The following MDGA2 variants were observed in gnomAD, a reference collection of about 807,000 sequenced individuals.
MDGA2 encodes MAM domain containing glycosylphosphatidylinositol anchor 2.
Under a neutral mutation model 117.8 loss-of-function variants are expected in MDGA2, and 40 were observed. The ratio of observed to expected loss-of-function variants is 0.34; its 90% CI spans 0.26 to 0.44. The LOEUF (loss-of-function observed/expected upper bound fraction) is 0.44. MDGA2 is among the 20% of genes least tolerant of loss of function. The pLI, the probability that MDGA2 is intolerant of heterozygous loss-of-function variation, is 1.00. For synonymous variants in MDGA2, 452 were observed against 439.0 expected, an observed-to-expected ratio of 1.03 and a Z score of -0.37; for missense variants, 1,123 against 1,250.6, an observed-to-expected ratio of 0.90 and a Z score of 1.54.
At chr14:47,177,776 T>G (rs1884534865) in intron 3 of MDGA2, among the ~76,000 whole-genome samples, 2 of 152,086 alleles carry the variant, frequency 1.3e-5, no homozygotes, top group East Asian at 3.8e-4. Context: ...ATTGTGCACA[T>G]GTACCCTAAA....
intron 2 of MDGA2, among the ~76,000 whole-genome samples, chr14:47,243,730 G>A (rs535058442): frequency 6.6e-6 from 1 of 151,830 alleles, no homozygotes; most frequent in South Asian, 2.1e-4. Flanking sequence ...CACCTTAAGA[G>A]CTGTAACGCT....
chr14:47,406,616 T>C (rs1216633956), intron 1 of MDGA2, among the ~76,000 whole-genome samples: 1 of 152,022 alleles, frequency 6.6e-6, no homozygotes, highest in Non-Finnish European at 1.5e-5. Flanking sequence ...ACATGAAATA[T>C]TTAAAGTAGT....
intron 1 of MDGA2, among the ~76,000 whole-genome samples, chr14:47,637,226 T>A (rs1255357485): frequency 6.6e-6 from 1 of 152,154 alleles, no homozygotes; most frequent in East Asian, 1.9e-4. Flanking sequence ...ATCACCCAGT[T>A]GGCTAGGGGT....
intron 2 of MDGA2, among the ~76,000 whole-genome samples, chr14:47,250,750 T>C (rs984494982): frequency 1.3e-5 from 2 of 152,182 alleles, no homozygotes; most frequent in Non-Finnish European, 2.9e-5. Context: ...ACAAAGAAAG[T>C]TTTCCACACA....
intron 2 of MDGA2, among the ~76,000 whole-genome samples, chr14:47,292,587 C>T (rs188027046): frequency 1.3e-5 from 2 of 152,250 alleles, no homozygotes; most frequent in Non-Finnish European, 2.9e-5. Flanking sequence ...GTGTAAGCTG[C>T]TATGTAAAAT....
intron 3 of MDGA2, among the ~76,000 whole-genome samples, chr14:47,181,084 T>G (rs866681259): frequency 1.5e-4 from 23 of 152,316 alleles, no homozygotes; most frequent in Admixed American, 3.3e-4. Context: ...TTTAAAATAT[T>G]TATTTTACTT....
chr14:47,569,448 T>C (rs1355572808), intron 1 of MDGA2, among the ~76,000 whole-genome samples: 2 of 152,170 alleles, frequency 1.3e-5, no homozygotes, highest in African/African-American at 2.4e-5. Context: ...CATTTCGTGA[T>C]TGGGGAACAG....
chr14:47,200,999 C>T (rs1403369700), intron 3 of MDGA2: 4 of 856,922 alleles, frequency 4.7e-6, no homozygotes, highest in African/African-American at 1.7e-5. Flanking sequence ...TCGCAGCATA[C>T]GACCACCACT....
chr14:47,126,237 G>C (rs570918865), intron 5 of MDGA2, among the ~76,000 whole-genome samples: 1 of 152,074 alleles, frequency 6.6e-6, no homozygotes, highest in African/African-American at 2.4e-5. Context: ...TACCAATCAA[G>C]AGGTAAGCCC....
At chr14:47,113,025 C>T (rs974105576) in intron 5 of MDGA2, among the ~76,000 whole-genome samples, 1 of 152,002 alleles carries the variant, frequency 6.6e-6, no homozygotes, top group Non-Finnish European at 1.5e-5. Flanking sequence ...ATGCTTGTTG[C>T]CTGCTTAAGT....
chr14:47,280,314 C>CAAAAAAAAAAAAAA (rs1196509408), intron 2 of MDGA2, among the ~76,000 whole-genome samples: 4 of 35,842 alleles, frequency 1.1e-4, no homozygotes, highest in African/African-American at 2.4e-4. Flanking sequence ...AACTCCATCT[C>CAAAAAAAAAAAAAA]AAAAAAAAAA....
chr14:47,006,265 T>C (rs1887705536), intron 8 of MDGA2, among the ~76,000 whole-genome samples: 1 of 151,154 alleles, frequency 6.6e-6, no homozygotes, highest in Non-Finnish European at 1.5e-5. Context: ...TTGTCTCATG[T>C]TGTTTTCAGA....
intron 1 of MDGA2, among the ~76,000 whole-genome samples, chr14:47,648,782 A>T (rs996530600): frequency 1.3e-5 from 2 of 152,196 alleles, no homozygotes; most frequent in African/African-American, 4.8e-5. Flanking sequence ...TTCTTAAAAT[A>T]AAGTTCATAA....
intron 3 of MDGA2, among the ~76,000 whole-genome samples, chr14:47,147,106 A>C (rs960887794): frequency 3.0e-4 from 46 of 152,168 alleles, no homozygotes; most frequent in African/African-American, 1.1e-3. Context: ...TACAATTTTA[A>C]GGGAGATTAT....
chr14:47,619,104 C>A (rs1896999158), intron 1 of MDGA2, among the ~76,000 whole-genome samples: 2 of 130,230 alleles, frequency 1.5e-5, no homozygotes, highest in East Asian at 2.3e-4. Context: ...CATCTCTGAG[C>A]CTCAGTTTAA....
chr14:47,548,299 T>C (rs918286930), intron 1 of MDGA2, among the ~76,000 whole-genome samples: 2 of 152,168 alleles, frequency 1.3e-5, no homozygotes, highest in Admixed American at 6.5e-5. Context: ...TAGTTTGTTT[T>C]GACTTTTTTT....
intron 2 of MDGA2, among the ~76,000 whole-genome samples, chr14:47,230,871 G>C (rs943773317): frequency 2.0e-5 from 3 of 151,874 alleles, no homozygotes; most frequent in Non-Finnish European, 4.4e-5. Flanking sequence ...ATGAATCAGA[G>C]AGCATTAACA....
chr14:47,179,238 C>T (rs1012898264), intron 3 of MDGA2, among the ~76,000 whole-genome samples: 8 of 151,966 alleles, frequency 5.3e-5, no homozygotes, highest in Non-Finnish European at 1.2e-4. Flanking sequence ...GCCGAATCAA[C>T]AGCACTCATA....
intron 1 of MDGA2, among the ~76,000 whole-genome samples, chr14:47,490,585 T>A (rs1894147948): frequency 6.6e-6 from 1 of 152,006 alleles, no homozygotes; most frequent in South Asian, 2.1e-4. Flanking sequence ...ACTTTCACAA[T>A]CGTATACATA....
Sources: gnomAD v4.1 joint callset for allele counts (sites outside exome capture counted in the v4.1 genomes callset) on GRCh38, gnomAD v4.1.1 for gene constraint, MANE v1.5 for transcripts, NCBI Gene and HGNC (gene_info 2026-07-23, HGNC 2026-07-21) for gene names.